PHACTR4: variants seen among roughly 807,000 people sequenced by gnomAD.
PHACTR4 encodes the protein phosphatase and actin regulator 4, also known as protein phosphatase 1, regulatory subunit 124.
In PHACTR4, 51 loss-of-function variants were observed where a neutral mutation model predicts 72.7. The ratio of observed to expected loss-of-function variants is 0.70; its 90% CI spans 0.56 to 0.89. PHACTR4 has a LOEUF of 0.89. Ranked by LOEUF, PHACTR4 falls within the 40% of genes least tolerant of loss-of-function variation. PHACTR4 has a pLI of 0.00. For synonymous variants in PHACTR4, 255 were observed against 302.5 expected (o/e 0.84, Z 1.63); for missense variants, 731 against 861.8 (o/e 0.85, Z 1.90).
intron 2 of PHACTR4, among the ~76,000 whole-genome samples, chr1:28,436,282 T>A (rs2124394162): frequency 1.3e-5 from 2 of 152,236 alleles, no homozygotes; most frequent in African/African-American, 4.8e-5. Context: ...TAATTTTTTT[T>A]TTTAGAGACA....
At chr1:28,450,082 C>T (rs1326130752) in intron 2 of PHACTR4, among the ~76,000 whole-genome samples, 2 of 152,138 alleles carry the variant, frequency 1.3e-5, no homozygotes, top group Non-Finnish European at 2.9e-5. Context: ...AAACAGGAAA[C>T]TCCAAACTGT....
rs929093334 is a variant in PHACTR4, at chr1:28,489,112, T to C, written c.1761-58T>C. 4.7e-6 allele frequency: 7 copies of C among 1,474,558 alleles called. No individual in the cohort carries two copies. The Admixed American group carries it at 1.3e-4, about 27-fold the overall frequency. 91.3% of individuals were successfully genotyped at this position (1,474,558 alleles called of 1,614,324 possible). ...ATATATACTGTGACCAAAAAAATCTTTATAAACAAGATTGGGAGGTTTAAC... is the reference window on the plus strand; with the variant it reads ...ATATATACTGTGACCAAAAAAATCTCTATAAACAAGATTGGGAGGTTTAAC... On this transcript the variant is annotated intron_variant, in intron 9 of 13. Coordinates refer to ENST00000373839, the MANE Select transcript of PHACTR4 (RefSeq NM_001048183.3).
chr1:28,384,184 G>C (rs751873018), intron 1 of PHACTR4, among the ~76,000 whole-genome samples: 1 of 152,152 alleles, frequency 6.6e-6, no homozygotes, highest in Non-Finnish European at 1.5e-5. Context: ...CATAGAATGA[G>C]TTAGGAAGGA....
chr1:28,495,627 T>A (rs986265226), intron 13 of PHACTR4, among the ~76,000 whole-genome samples: 20 of 138,458 alleles, frequency 1.4e-4, no homozygotes, highest in Non-Finnish European at 1.6e-4. Flanking sequence ...TTTTTTTTTT[T>A]ATTTTTTGAG....
chr1:28,459,463 G>A (rs187021982), intron 3 of PHACTR4, among the ~76,000 whole-genome samples: 5 of 143,790 alleles, frequency 3.5e-5, no homozygotes, highest in African/African-American at 1.3e-4. Flanking sequence ...GTACAGTGGC[G>A]CAATCACAGT....
intron 1 of PHACTR4, among the ~76,000 whole-genome samples, chr1:28,405,177 G>T: frequency 6.6e-6 from 1 of 151,658 alleles, no homozygotes; most frequent in South Asian, 2.1e-4. Flanking sequence ...TTTTAAATTG[G>T]GTTGTCTTTT....
intron 1 of PHACTR4, among the ~76,000 whole-genome samples, chr1:28,407,126 C>T (rs1015031324): frequency 1.3e-5 from 2 of 151,758 alleles, no homozygotes; most frequent in Non-Finnish European, 2.9e-5. Flanking sequence ...CTCAATTCCC[C>T]TAAAATAACT....
intron 1 of PHACTR4, among the ~76,000 whole-genome samples, chr1:28,380,347 C>T (rs949809337): frequency 2.0e-5 from 3 of 152,134 alleles, no homozygotes; most frequent in Non-Finnish European, 2.9e-5. Flanking sequence ...TGAGCCACCG[C>T]GCCCGGCCTT....
chr1:28,384,626 G>A (rs968464478), intron 1 of PHACTR4, among the ~76,000 whole-genome samples: 1 of 152,130 alleles, frequency 6.6e-6, no homozygotes, highest in Non-Finnish European at 1.5e-5. Flanking sequence ...CAGGCGCAAG[G>A]GCTCATGCTT....
intron 9 of PHACTR4, among the ~76,000 whole-genome samples, chr1:28,484,538 G>A (rs536790080): frequency 2.0e-5 from 3 of 150,802 alleles, no homozygotes; most frequent in African/African-American, 7.3e-5. Context: ...GTGTGTATGT[G>A]TATATATATG....
At chr1:28,483,819 AG>A (rs372947109) in intron 9 of PHACTR4, among the ~76,000 whole-genome samples, 14,364 of 141,282 alleles carry the variant, frequency 0.1, 1,021 homozygotes, top group Non-Finnish European at 0.16. Flanking sequence ...AAAAAAAAAA[AG>A]AGAGAGATAA....
At chr1:28,447,725 C>G (rs1657586795) in intron 2 of PHACTR4, among the ~76,000 whole-genome samples, 1 of 152,128 alleles carries the variant, frequency 6.6e-6, no homozygotes, top group Admixed American at 6.6e-5. Context: ...AACTTCACTT[C>G]TTGATACAAT....
At chr1:28,374,791 C>A (rs1651513046) in intron 1 of PHACTR4, among the ~76,000 whole-genome samples, 1 of 152,184 alleles carries the variant, frequency 6.6e-6, no homozygotes, top group Non-Finnish European at 1.5e-5. Flanking sequence ...AGGAAGGAGT[C>A]TGACAGTAAA....
intron 6 of PHACTR4, among the ~76,000 whole-genome samples, chr1:28,468,921 A>G (rs1435310611): frequency 6.6e-6 from 1 of 152,192 alleles, no homozygotes; most frequent in East Asian, 1.9e-4. Flanking sequence ...ATAAAATGAT[A>G]ATTTGTGTAT....
intron 4 of PHACTR4, 24 bp downstream of exon 4, chr1:28,460,316 A>T: frequency 1.3e-6 from 2 of 1,525,030 alleles, no homozygotes; most frequent in Non-Finnish European, 1.8e-6. Flanking sequence ...TAAATAGCAT[A>T]TGCCTGTCTC....
intron 6 of PHACTR4, 66 bp downstream of exon 6, chr1:28,466,834 A>G: frequency 6.6e-7 from 1 of 1,523,062 alleles, no homozygotes; most frequent in South Asian, 1.3e-5. Flanking sequence ...ATTTTATTTG[A>G]TAACTGGTAC....
At chr1:28,418,939 A>G (rs1008234170) in intron 2 of PHACTR4, among the ~76,000 whole-genome samples, 1 of 151,576 alleles carries the variant, frequency 6.6e-6, no homozygotes, top group African/African-American at 2.4e-5. Context: ...TGACAGAGAG[A>G]GACTCCATCT....
At chr1:28,495,295 A>T (rs933436774) in intron 13 of PHACTR4, among the ~76,000 whole-genome samples, 12 of 151,956 alleles carry the variant, frequency 7.9e-5, no homozygotes, top group African/African-American at 2.9e-4. Flanking sequence ...TTTAATAGAG[A>T]TGGGGTCTCA....
At chr1:28,477,985 G>A (rs971967421) in intron 8 of PHACTR4, among the ~76,000 whole-genome samples, 3 of 152,056 alleles carry the variant, frequency 2.0e-5, no homozygotes, top group African/African-American at 7.2e-5. Context: ...ACCACGCCCG[G>A]CCTAGATCTT....
Sources: gnomAD v4.1 joint callset for allele counts (sites outside exome capture counted in the v4.1 genomes callset) on GRCh38, gnomAD v4.1.1 for gene constraint, MANE v1.5 for transcripts, NCBI Gene and HGNC (gene_info 2026-07-23, HGNC 2026-07-21) for gene names.